The following KCNJ6 variants were observed in gnomAD, a reference collection of about 807,000 sequenced individuals.
KCNJ6 encodes the protein potassium inwardly rectifying channel subfamily J member 6, also known as G protein-activated inward rectifier potassium channel 2.
Under a neutral mutation model 34.2 loss-of-function variants are expected in KCNJ6, and 9 were observed. That is an observed-to-expected ratio of 0.26 (90% CI 0.16 to 0.46). The LOEUF (loss-of-function observed/expected upper bound fraction) is 0.46. KCNJ6 is among the 20% of genes least tolerant of loss of function. KCNJ6 has a pLI of 1.00. For missense variants in KCNJ6, 236 were observed against 531.3 expected, an observed-to-expected ratio of 0.44 and a Z score of 5.46; for synonymous variants, 196 against 207.1, an observed-to-expected ratio of 0.95 and a Z score of 0.46.
At position 37,715,084 on chromosome 21, in the gene KCNJ6, C is replaced by A. The variant is rs781654988; in HGVS notation, c.73G>T (p.Val25Leu). The A allele has an allele frequency of 1.3e-5, 21 of 1,614,190 alleles. No homozygotes were observed. Among genetic ancestry groups the A allele is most frequent in the Non-Finnish European group, 1.7e-5 (20 of 1,180,036 alleles). Residue 25 changes from valine (V) to leucine (L), a missense_variant, in exon 3 of 4, where the codon GTG becomes TTG. Physicochemically the swap from Val to Leu is conservative, Grantham distance 32. Coordinates refer to ENST00000609713, the MANE Select transcript of KCNJ6 (RefSeq NM_002240.5). ...DSMDQDVESP[V>L]AIHQPKLPKQ... ...GGCAACTTTGGCTGGTGAATGGCCA[C>A]TGGGCTTTCGACGTCCTGATCCATG...
chr21:37,880,392 ACT>A (rs1231716387), intron 1 of KCNJ6, among the ~76,000 whole-genome samples: 2 of 152,146 alleles, frequency 1.3e-5, no homozygotes, highest in African/African-American at 4.8e-5. Context: ...GGAAACTCAG[ACT>A]CTCGCATCTA....
intron 2 of KCNJ6, among the ~76,000 whole-genome samples, chr21:37,835,022 AGAATGGCTCATGAC>A (rs1415086550): frequency 2.0e-5 from 3 of 152,216 alleles, no homozygotes; most frequent in Non-Finnish European, 4.4e-5. Context: ...TGGCTGGGGT[AGAATGGCTCATGAC>A]AACAACCCCT....
chr21:37,708,996 CA>C (rs1299867128), intron 3 of KCNJ6, among the ~76,000 whole-genome samples: 1 of 152,118 alleles, frequency 6.6e-6, no homozygotes, highest in African/African-American at 2.4e-5. Flanking sequence ...CATGTTCTTC[CA>C]GGGGTATTTT....
intron 2 of KCNJ6, among the ~76,000 whole-genome samples, chr21:37,733,876 G>T (rs746202606): frequency 6.6e-6 from 1 of 152,166 alleles, no homozygotes; most frequent in African/African-American, 2.4e-5. Context: ...AGACATGTAG[G>T]TGTAGTTCTT....
At chr21:37,724,097 G>A (rs543225478) in intron 2 of KCNJ6, among the ~76,000 whole-genome samples, 103 of 152,278 alleles carry the variant, frequency 6.8e-4, no homozygotes, top group African/African-American at 1.9e-3. Flanking sequence ...TGAAGCCCAC[G>A]CTGGGCCCTG....
Position 37,612,981 on chromosome 21 carries a change from A to G in KCNJ6, c.*12178T>C, listed in dbSNP as rs536785850. On this transcript the variant is annotated 3_prime_UTR_variant, in exon 4 of 4. Coordinates refer to ENST00000609713, the MANE Select transcript of KCNJ6 (RefSeq NM_002240.5). ...TAAAAGCGTCTGCTCTGAAAAAGACAAGGTCAAGATAATGAGAAGACAAGC... is the reference window on the plus strand; with the variant it reads ...TAAAAGCGTCTGCTCTGAAAAAGACGAGGTCAAGATAATGAGAAGACAAGC... 1 of 152,326 alleles carries G rather than the reference A, an allele frequency of 6.6e-6. No homozygotes were observed. The highest frequency in any genetic ancestry group is 6.5e-5 in the Admixed American group (1 of 15,300). 9.4% of individuals were successfully genotyped at this position (152,326 alleles called of 1,614,324 possible). A position where few individuals can be genotyped will look rare whatever the true frequency, so the allele number is the denominator to read the frequency against.
intron 1 of KCNJ6, among the ~76,000 whole-genome samples, chr21:37,887,173 T>G (rs1348685999): frequency 2.0e-5 from 3 of 152,084 alleles, no homozygotes; most frequent in African/African-American, 7.2e-5. Flanking sequence ...CACCCTTGTG[T>G]GGGAGGCTCC....
intron 1 of KCNJ6, among the ~76,000 whole-genome samples, chr21:37,914,124 T>C (rs1362614763): frequency 6.6e-6 from 1 of 151,384 alleles, no homozygotes; most frequent in Non-Finnish European, 1.5e-5. Context: ...GCTCAGGTCT[T>C]TCCCTGTCCC....
chr21:37,730,068 T>A (rs2054876445), intron 2 of KCNJ6, among the ~76,000 whole-genome samples: 1 of 152,326 alleles, frequency 6.6e-6, no homozygotes, highest in Admixed American at 6.5e-5. Context: ...TGCTTCAGGC[T>A]ATTGTCTTGC....
At chr21:37,751,534 T>C (rs938483696) in intron 2 of KCNJ6, among the ~76,000 whole-genome samples, 3 of 152,210 alleles carry the variant, frequency 2.0e-5, no homozygotes, top group African/African-American at 7.2e-5. Flanking sequence ...TTTAGAGGAA[T>C]GTACTTGCTG....
In KCNJ6 at chr21:37,911,757, C is replaced by T. The variant is rs182935176; in HGVS notation, c.-28+4127G>A. 9.9e-5 allele frequency among the ~76,000 whole-genome samples: 15 copies of T among 152,244 alleles called. No homozygotes were observed. In the East Asian group the frequency reaches 2.9e-3, roughly 29 times the overall value. On this transcript the variant is annotated intron_variant, in intron 1 of 3. Transcript: ENST00000609713. ...AGAAGAGCTTCACCTTATCTGCCTG[C>T]CTTTCCATAAAGAGCATTTATCTTG...
At chr21:37,690,784 T>C (rs1324181156) in intron 3 of KCNJ6, among the ~76,000 whole-genome samples, 1 of 148,418 alleles carries the variant, frequency 6.7e-6, no homozygotes, top group African/African-American at 2.5e-5. Context: ...TTCTTTTCTT[T>C]TTTTTTTTTT....
At chr21:37,746,956 C>A (rs991045744) in intron 2 of KCNJ6, among the ~76,000 whole-genome samples, 6 of 152,170 alleles carry the variant, frequency 3.9e-5, no homozygotes, top group African/African-American at 1.4e-4. Flanking sequence ...GCCTTATATT[C>A]GCTGATATTT....
At chr21:37,723,250 G>C (rs908598588) in intron 2 of KCNJ6, among the ~76,000 whole-genome samples, 1 of 152,144 alleles carries the variant, frequency 6.6e-6, no homozygotes, top group Non-Finnish European at 1.5e-5. Context: ...AGTCAGAATG[G>C]CTATTATTAA....
intron 1 of KCNJ6, among the ~76,000 whole-genome samples, chr21:37,907,995 G>A (rs1320701654): frequency 1.3e-5 from 2 of 152,178 alleles, no homozygotes; most frequent in African/African-American, 4.8e-5. Context: ...ACTTTGGAAT[G>A]GCAAGATATT....
chr21:37,637,373 G>A (rs1339231000), intron 3 of KCNJ6, among the ~76,000 whole-genome samples: 1 of 152,192 alleles, frequency 6.6e-6, no homozygotes, highest in Non-Finnish European at 1.5e-5. Context: ...CTCCAGTTAT[G>A]CAAAAACAAA....
chr21:37,682,126 T>G (rs752186931), intron 3 of KCNJ6, among the ~76,000 whole-genome samples: 1 of 152,214 alleles, frequency 6.6e-6, no homozygotes, highest in African/African-American at 2.4e-5. Flanking sequence ...TGGATTAGTT[T>G]CCTGCAGCCG....
intron 2 of KCNJ6, among the ~76,000 whole-genome samples, chr21:37,839,844 C>T (rs1190442571): frequency 6.6e-6 from 1 of 152,252 alleles, no homozygotes; most frequent in South Asian, 2.1e-4. Flanking sequence ...TGCTCTGCTG[C>T]CCAGACTAGA....
chr21:37,711,244 ACCCAGGTGGC>A (rs1309579602), intron 3 of KCNJ6, among the ~76,000 whole-genome samples: 2 of 152,202 alleles, frequency 1.3e-5, no homozygotes, highest in Non-Finnish European at 2.9e-5. Context: ...AGACGGAAGG[ACCCAGGTGGC>A]CTCCTGTGGG....
Sources: allele counts gnomAD v4.1 joint callset (sites outside exome capture counted in the v4.1 genomes callset), GRCh38; gene constraint gnomAD v4.1.1; transcripts MANE v1.5; gene names NCBI Gene and HGNC (gene_info 2026-07-23, HGNC 2026-07-21).